Variants in DYNLL1 observed in about 807,000 individuals in gnomAD.
The protein encoded by DYNLL1 is dynein light chain 1, cytoplasmic.
Under a neutral mutation model 10.1 loss-of-function variants are expected in DYNLL1, and 3 were observed. The ratio of observed to expected loss-of-function variants is 0.30; its 90% CI spans 0.14 to 0.77. The LOEUF (loss-of-function observed/expected upper bound fraction) is 0.77, where lower values mean the gene tolerates loss of function less well. Among genes scored for constraint, DYNLL1 ranks in the 30% least tolerant of loss-of-function variants. The pLI, the probability that DYNLL1 is intolerant of heterozygous loss-of-function variation, is 0.66. For missense variants in DYNLL1, 47 were observed against 111.7 expected, an observed-to-expected ratio of 0.42 and a Z score of 2.61; for synonymous variants, 46 against 41.2, an observed-to-expected ratio of 1.12 and a Z score of -0.45.
intron 1 of DYNLL1, among the ~76,000 whole-genome samples, chr12:120,481,189 A>T (rs1044197573): frequency 6.6e-6 from 1 of 152,128 alleles, no homozygotes; most frequent in Non-Finnish European, 1.5e-5. Context: ...TATTTCTGAC[A>T]CCAAATGTGT....
chr12:120,478,645 A>C (rs1232545286), intron 1 of DYNLL1, among the ~76,000 whole-genome samples: 4 of 148,634 alleles, frequency 2.7e-5, no homozygotes, highest in Non-Finnish European at 6.0e-5. Context: ...TGAGGTCAGG[A>C]GTTCGAGACC....
chr12:120,476,455 T>C (rs1457790064), intron 1 of DYNLL1, among the ~76,000 whole-genome samples: 1 of 152,168 alleles, frequency 6.6e-6, no homozygotes, highest in Non-Finnish European at 1.5e-5. Flanking sequence ...CCAGCACATG[T>C]GCAGGGCTTC....
chr12:120,470,378 A>G (rs1282949867), intron 1 of DYNLL1, among the ~76,000 whole-genome samples: 2 of 151,810 alleles, frequency 1.3e-5, no homozygotes, highest in Non-Finnish European at 2.9e-5. Context: ...TCAGGTAGAC[A>G]CCCACCTTGG....
intron 1 of DYNLL1, among the ~76,000 whole-genome samples, chr12:120,478,354 G>A (rs1217047229): frequency 4.1e-5 from 6 of 147,122 alleles, no homozygotes; most frequent in African/African-American, 1.3e-4. Flanking sequence ...TGATCCGCCC[G>A]CCTCGACCTC....
At chr12:120,493,933 T>C (rs1879200968), upstream of DYNLL1, 1 of 152,068 alleles carries the variant, frequency 6.6e-6, no homozygotes, top group Admixed American at 6.5e-5. Context: ...AAGGTATTAT[T>C]AATGAACAAT....
chr12:120,492,007 T>C (rs373450399), upstream of DYNLL1: 2 of 152,216 alleles, frequency 1.3e-5, no homozygotes, highest in African/African-American at 2.4e-5. The surrounding 1 kb of genome is among the most constrained non-coding windows in gnomAD (Gnocchi z 4.1). Context: ...CCATCTACCA[T>C]GTGGGACTGT....
Position 120,476,879 on chromosome 12 carries a change from T to C in DYNLL1, c.-7+6775T>C, listed in dbSNP as rs537582081. 5.9e-5 allele frequency among the ~76,000 whole-genome samples: 9 copies of C among 152,198 alleles called. 1 individual carries two copies. In the South Asian group the frequency reaches 1.9e-3, roughly 32 times the overall value. Reference sequence around the variant, plus strand: ...CGCCCGCCTTGGCCTCCCAAAGTGCTGGGATTACAGGCATGAGCCACCGCG... The same window carrying C: ...CGCCCGCCTTGGCCTCCCAAAGTGCCGGGATTACAGGCATGAGCCACCGCG... On this transcript the variant is annotated intron_variant, in intron 1 of 2. Coordinates refer to the DYNLL1 transcript ENST00000392509.
At chr12:120,480,853 G>A (rs1328061696) in intron 1 of DYNLL1, among the ~76,000 whole-genome samples, 10 of 150,470 alleles carry the variant, frequency 6.6e-5, no homozygotes, top group Non-Finnish European at 1.3e-4. Context: ...TCCGCCTCCC[G>A]GGTTCACGTC....
At chr12:120,496,744 T>G (rs1315343526) in intron 2 of DYNLL1, 191 bp downstream of exon 2, 7 of 582,878 alleles carry the variant, frequency 1.2e-5, no homozygotes, top group African/African-American at 6.0e-5. Flanking sequence ...GTCCGAAGTT[T>G]TTTTTTTTTT....
chr12:120,478,632 A>C (rs1878808453), intron 1 of DYNLL1, among the ~76,000 whole-genome samples: 1 of 148,190 alleles, frequency 6.7e-6, no homozygotes, highest in Non-Finnish European at 1.5e-5. Context: ...CGGGCAGATC[A>C]CTTGAGGTCA....
At chr12:120,479,060 A>G (rs1442383782) in intron 1 of DYNLL1, among the ~76,000 whole-genome samples, 2 of 150,980 alleles carry the variant, frequency 1.3e-5, no homozygotes, top group African/African-American at 4.9e-5. Flanking sequence ...GCTACTCGGG[A>G]GGCTGAGGCA....
intron 1 of DYNLL1, among the ~76,000 whole-genome samples, chr12:120,489,481 A>G (rs570198486): frequency 9.2e-5 from 14 of 152,284 alleles, no homozygotes; most frequent in African/African-American, 3.1e-4. Flanking sequence ...CTCTACCTTC[A>G]GAATACATCT....
In DYNLL1 at chr12:120,496,559, G is replaced by A. The variant is rs749032222; in HGVS notation, c.132+6G>A. On this transcript the variant is annotated splice_donor_region_variant and intron_variant, in intron 2 of 2. Transcript: ENST00000242577. ...TTGCGGCTCATATCAAGAAGGTGAG[G>A]ATGGGCGCGGGGGCCGATACGCAGC... 8 of 1,613,700 alleles carry A rather than the reference G, an allele frequency of 5.0e-6. No individual in the cohort carries two copies. Among genetic ancestry groups the A allele is most frequent in the South Asian group, 4.4e-5 (4 of 91,080 alleles).
chr12:120,496,776 C>T (rs1868430945), intron 2 of DYNLL1: 2 of 650,358 alleles, frequency 3.1e-6, no homozygotes, highest in Admixed American at 6.1e-5. Context: ...CCCAGCTCCG[C>T]GGGGGGAAAG....
intron 1 of DYNLL1, 47 bp from the exon 2 acceptor site, chr12:120,496,369 G>T: frequency 1.2e-6 from 2 of 1,609,982 alleles, no homozygotes; most frequent in Non-Finnish European, 1.7e-6. Context: ...TTAGTGCCTG[G>T]GGGGCGCGGC....
chr12:120,484,971 C>T (rs966327736), intron 1 of DYNLL1, among the ~76,000 whole-genome samples: 8 of 152,150 alleles, frequency 5.3e-5, no homozygotes, highest in African/African-American at 1.4e-4. Flanking sequence ...AACTTCTGAC[C>T]GCAAGTGATC....
At chr12:120,496,786 G>A in intron 2 of DYNLL1, 1 of 624,890 alleles carries the variant, frequency 1.6e-6, no homozygotes, top group East Asian at 2.8e-5. Flanking sequence ...CGGGGGGAAA[G>A]CGCCACCTAG....
intron 1 of DYNLL1, among the ~76,000 whole-genome samples, chr12:120,481,594 G>A (rs896162356): frequency 2.0e-5 from 3 of 152,192 alleles, no homozygotes; most frequent in Non-Finnish European, 2.9e-5. Context: ...ATGGGGCGGG[G>A]CACAGCAGGA....
At chr12:120,476,915 GTTTTTTGTTTTGTT>G (rs2137058061) in intron 1 of DYNLL1, among the ~76,000 whole-genome samples, 1 of 148,734 alleles carries the variant, frequency 6.7e-6, no homozygotes, top group South Asian at 2.1e-4. Context: ...CCCGGACTTT[GTTTTTTGTTTTGTT>G]TTTTTTGTTT....
Sources: gnomAD v4.1 joint callset for allele counts (sites outside exome capture counted in the v4.1 genomes callset) on GRCh38, gnomAD v4.1.1 for gene constraint, Gnocchi (gnomAD v3.1) non-coding constraint, MANE v1.5 for transcripts, NCBI Gene and HGNC (gene_info 2026-07-23, HGNC 2026-07-21) for gene names.